HEMK2: variants seen among roughly 807,000 people sequenced by gnomAD.
HEMK2 encodes methyltransferase HEMK2.
chr21:28,834,647 C>T, the HEMK2 span, among the ~76,000 whole-genome samples: 1 of 152,132 alleles, frequency 6.6e-6, no homozygotes, highest in African/African-American at 2.4e-5. Flanking sequence ...AGCCTCCTGG[C>T]CAGAACTCAG....
the HEMK2 span, among the ~76,000 whole-genome samples, chr21:28,766,487 G>A: frequency 6.6e-6 from 1 of 151,888 alleles, no homozygotes; most frequent in Non-Finnish European, 1.5e-5. Flanking sequence ...ATTTAATCCA[G>A]CAATCACACT....
At chr21:28,868,213 C>T in the HEMK2 span, among the ~76,000 whole-genome samples, 2 of 152,094 alleles carry the variant, frequency 1.3e-5, no homozygotes, top group South Asian at 4.1e-4. Context: ...TCATGCTCCT[C>T]CTATTATCTA....
chr21:28,726,460 T>C, the HEMK2 span, among the ~76,000 whole-genome samples: 71,096 of 152,056 alleles, frequency 0.47, 18,411 homozygotes, highest in East Asian at 0.84. Context: ...ATCAATGTTG[T>C]TCTTTGTTTA....
the HEMK2 span, among the ~76,000 whole-genome samples, chr21:28,680,265 A>G: frequency 2.6e-5 from 4 of 152,260 alleles, no homozygotes; most frequent in Non-Finnish European, 5.9e-5. Context: ...AGAGAATACT[A>G]GAAACACCTC....
At chr21:28,747,135 T>C in the HEMK2 span, among the ~76,000 whole-genome samples, 1 of 152,212 alleles carries the variant, frequency 6.6e-6, no homozygotes, top group Non-Finnish European at 1.5e-5. Flanking sequence ...GTGTACCTGA[T>C]GTTTTCAATG....
At chr21:28,852,753 T>C in the HEMK2 span, among the ~76,000 whole-genome samples, 152,351 of 152,352 alleles carry the variant, frequency 1, 76,175 homozygotes, top group Non-Finnish European at 1. Context: ...AGTCTTTTGT[T>C]TACTCGATCT....
chr21:28,619,591 A>G, the HEMK2 span, among the ~76,000 whole-genome samples: 1 of 152,210 alleles, frequency 6.6e-6, no homozygotes, highest in Non-Finnish European at 1.5e-5. Context: ...GGCATTGGCT[A>G]CCATTAAAAT....
At chr21:28,773,806 G>A in the HEMK2 span, among the ~76,000 whole-genome samples, 3 of 152,170 alleles carry the variant, frequency 2.0e-5, no homozygotes, top group African/African-American at 7.2e-5. Context: ...CACCAATCTA[G>A]TTTGATTTTG....
At chr21:28,846,052 G>C in the HEMK2 span, among the ~76,000 whole-genome samples, 1 of 152,130 alleles carries the variant, frequency 6.6e-6, no homozygotes. Flanking sequence ...GTGGTATTTA[G>C]TTTTCTGTCC....
chr21:28,779,462 G>A, the HEMK2 span, among the ~76,000 whole-genome samples: 1 of 152,180 alleles, frequency 6.6e-6, no homozygotes, highest in East Asian at 1.9e-4. Flanking sequence ...CAGAGGTTGG[G>A]AGGAGGGTGT....
At chr21:28,771,486 C>A in the HEMK2 span, among the ~76,000 whole-genome samples, 2 of 143,120 alleles carry the variant, frequency 1.4e-5, no homozygotes, top group Non-Finnish European at 3.0e-5. Context: ...CTAGGGGTGC[C>A]GTGAAAAATT....
the HEMK2 span, among the ~76,000 whole-genome samples, chr21:28,791,840 G>A: frequency 6.6e-6 from 1 of 152,066 alleles, no homozygotes; most frequent in Non-Finnish European, 1.5e-5. Context: ...TGTATTCCCA[G>A]GTTAGGCATT....
chr21:28,793,113 C>T, the HEMK2 span, among the ~76,000 whole-genome samples: 19,156 of 152,136 alleles, frequency 0.13, 1,658 homozygotes, highest in African/African-American at 0.24. Flanking sequence ...ATACAGCACA[C>T]ATTTATTCAC....
chr21:28,686,347 G>A, the HEMK2 span, among the ~76,000 whole-genome samples: 1 of 152,152 alleles, frequency 6.6e-6, no homozygotes, highest in South Asian at 2.1e-4. Flanking sequence ...CGACTCTCCT[G>A]CCTCAGCCTC....
chr21:28,794,953 G>C, the HEMK2 span, among the ~76,000 whole-genome samples: 2 of 152,184 alleles, frequency 1.3e-5, no homozygotes, highest in African/African-American at 4.8e-5. Context: ...TCCAGACCTG[G>C]TGCCGTAGCA....
the HEMK2 span, among the ~76,000 whole-genome samples, chr21:28,772,955 A>G: frequency 3.9e-5 from 6 of 152,212 alleles, no homozygotes; most frequent in South Asian, 2.1e-4. Context: ...TTAGCATCCA[A>G]TAACGATTGA....
At chr21:28,788,189 T>C in the HEMK2 span, among the ~76,000 whole-genome samples, 1 of 149,538 alleles carries the variant, frequency 6.7e-6, no homozygotes, top group Non-Finnish European at 1.5e-5. Context: ...TACACATATA[T>C]ACGTATATAC....
At chr21:28,783,020 T>C in the HEMK2 span, among the ~76,000 whole-genome samples, 37 of 152,128 alleles carry the variant, frequency 2.4e-4, no homozygotes, top group Non-Finnish European at 4.3e-4. Flanking sequence ...CTGATACAGG[T>C]TGAGTATCCC....
At chr21:28,666,822 T>C in the HEMK2 span, among the ~76,000 whole-genome samples, 6 of 152,208 alleles carry the variant, frequency 3.9e-5, no homozygotes, top group African/African-American at 1.4e-4. Context: ...TTAGTTCTCA[T>C]CTGGTCACTT....
Sources: allele counts gnomAD v4.1 joint callset (sites outside exome capture counted in the v4.1 genomes callset), GRCh38; gene constraint gnomAD v4.1.1; transcripts MANE v1.5; gene names NCBI Gene and HGNC (gene_info 2026-07-23, HGNC 2026-07-21).